The following RNF128 variants were observed in gnomAD, a reference collection of about 807,000 sequenced individuals.
RNF128 encodes the protein ring finger protein 128.
RNF128 carries 13 observed loss-of-function variants against 26.2 expected under a neutral mutation model. That is an observed-to-expected ratio of 0.50 (90% CI 0.32 to 0.79). The LOEUF is 0.79. RNF128 is among the 30% of genes least tolerant of loss of function. The pLI is 0.03. For synonymous variants in RNF128, 149 were observed against 142.5 expected (o/e 1.05, Z -0.32); for missense variants, 315 against 349.7 (o/e 0.90, Z 0.79).
In RNF128 at chrX:106,788,446, ATT is replaced by A. The variant is rs1200632168; in HGVS notation, c.887+447_887+448del. Among the ~76,000 whole-genome samples, 74 of 46,612 alleles carry A rather than the reference ATT, an allele frequency of 1.6e-3. 4 individuals carry two copies. The East Asian group carries it at 0.038, about 24-fold the overall frequency. 40.5% of individuals were successfully genotyped at this position (46,612 alleles called of 115,157 possible). On this transcript the variant is annotated intron_variant, in intron 4 of 6. Transcript: ENST00000255499. ...ATATATTATATATAATATTATTATA[ATT>A]ATAATATATATAATATTATTATAAT...
intron 1 of RNF128, among the ~76,000 whole-genome samples, chrX:106,721,231 C>T (rs1929305135): frequency 1.8e-5 from 2 of 111,902 alleles, no homozygotes; most frequent in South Asian, 7.5e-4. Flanking sequence ...TATTGTCATC[C>T]CTTGTCTACA....
At chrX:106,706,713 C>T (rs1487293791) in intron 1 of RNF128, among the ~76,000 whole-genome samples, 2 of 112,104 alleles carry the variant, frequency 1.8e-5, no homozygotes, top group East Asian at 2.8e-4. Context: ...CTACTTTAAA[C>T]GGCGAAAGAT....
intron 1 of RNF128, among the ~76,000 whole-genome samples, chrX:106,716,410 G>A (rs1929216990): frequency 1.8e-5 from 2 of 111,775 alleles, no homozygotes; most frequent in Admixed American, 9.6e-5. Context: ...GAAAACAACT[G>A]AGTAGTTACC....
chrX:106,755,471 T>C (rs1929987515), intron 1 of RNF128, among the ~76,000 whole-genome samples: 1 of 110,313 alleles, frequency 9.1e-6, no homozygotes, highest in Admixed American at 9.7e-5. Flanking sequence ...AAAAGGAAAC[T>C]ACTACAGGCA....
chrX:106,774,733 C>T (rs779623191), intron 2 of RNF128, among the ~76,000 whole-genome samples: 3 of 111,790 alleles, frequency 2.7e-5, no homozygotes, highest in South Asian at 3.7e-4. Flanking sequence ...AGTATAACAG[C>T]GGAATGGTGT....
chrX:106,709,643 T>G (rs1163573371), intron 1 of RNF128, among the ~76,000 whole-genome samples: 1 of 110,793 alleles, frequency 9.0e-6, no homozygotes, highest in Non-Finnish European at 1.9e-5. Flanking sequence ...GCCTCCCGGG[T>G]TCAAGAAATT....
At chrX:106,727,479 C>T (rs1929425091) in intron 1 of RNF128, 82 bp downstream of exon 1, 1 of 1,114,767 alleles carries the variant, frequency 9.0e-7, no homozygotes, top group East Asian at 3.0e-5. Flanking sequence ...CCTCCTCGTC[C>T]TATCCCCTTG....
At chrX:106,793,472 A>G (rs897805016) in intron 6 of RNF128, among the ~76,000 whole-genome samples, 1 of 111,761 alleles carries the variant, frequency 8.9e-6, no homozygotes, top group African/African-American at 3.2e-5. Flanking sequence ...ATGTTAACAT[A>G]TAACCATATA....
chrX:106,723,571 T>A (rs375606491), upstream of RNF128, among the ~76,000 whole-genome samples: 41 of 109,033 alleles, frequency 3.8e-4, no homozygotes, highest in Middle Eastern at 4.8e-3. Flanking sequence ...CTGTCTAAAA[T>A]ATATATATAT....
At chrX:106,717,202 CAA>C (rs1185297804) in intron 1 of RNF128, among the ~76,000 whole-genome samples, 4 of 64,479 alleles carry the variant, frequency 6.2e-5, no homozygotes, top group Non-Finnish European at 6.0e-5. Context: ...GACTCCGTCT[CAA>C]AAAAAAAAAA....
At position 106,727,184 on chromosome X, in the gene RNF128, G is replaced by A; in HGVS notation, c.271G>A (p.Gly91Arg). The A allele has an allele frequency of 1.7e-6, 2 of 1,211,138 alleles. No individual in the cohort carries two copies. The highest frequency in any genetic ancestry group is 1.8e-5 in the South Asian group (1 of 56,897). ...GGTCCTGGTACCGCCCGACGGGCCC[G>A]GGGCGCTTAACGCCTGTAACCCGCA... ...AGVLVPPDGP[G>R]ALNACNPHTN... Residue 91 changes from glycine to arginine, a missense_variant, in exon 1 of 7, where the codon GGG (glycine) becomes AGG (arginine). Physicochemically the swap from Gly to Arg is moderately radical, Grantham distance 125. Transcript: ENST00000255499.
At chrX:106,774,661 T>G (rs772365620) in intron 2 of RNF128, among the ~76,000 whole-genome samples, 1 of 112,416 alleles carries the variant, frequency 8.9e-6, no homozygotes, top group African/African-American at 3.2e-5. Context: ...ATTACCTTCA[T>G]TGCTTCTGCC....
intron 1 of RNF128, among the ~76,000 whole-genome samples, chrX:106,732,534 G>A (rs1402492386): frequency 9.0e-6 from 1 of 111,222 alleles, no homozygotes; most frequent in African/African-American, 3.3e-5. Context: ...TCAATTCATC[G>A]AGCATTTATC....
intron 1 of RNF128, among the ~76,000 whole-genome samples, chrX:106,770,576 C>T: frequency 9.0e-6 from 1 of 111,682 alleles, no homozygotes; most frequent in Non-Finnish European, 1.9e-5. Context: ...ACGTAGTCCT[C>T]ATGCCATGGT....
At chrX:106,779,763 C>T (rs1930534825) in intron 2 of RNF128, among the ~76,000 whole-genome samples, 1 of 110,857 alleles carries the variant, frequency 9.0e-6, no homozygotes, top group Non-Finnish European at 1.9e-5. Context: ...TCTGTAGTTC[C>T]ATAGATTTAT....
At chrX:106,720,664 G>A (rs1450868253) in intron 1 of RNF128, among the ~76,000 whole-genome samples, 1 of 111,325 alleles carries the variant, frequency 9.0e-6, no homozygotes, top group African/African-American at 3.3e-5. Flanking sequence ...TAGTATAGCA[G>A]AATGAAAACA....
chrX:106,717,985 G>A (rs1432996707), intron 1 of RNF128, among the ~76,000 whole-genome samples: 1 of 111,854 alleles, frequency 8.9e-6, no homozygotes, highest in Non-Finnish European at 1.9e-5. Context: ...TATTGCCTCT[G>A]TCTTAGAACT....
chrX:106,714,650 C>T (rs1929183721), intron 1 of RNF128, among the ~76,000 whole-genome samples: 1 of 111,788 alleles, frequency 8.9e-6, no homozygotes, highest in African/African-American at 3.3e-5. Context: ...AGATTCAGAA[C>T]GATTCCATTG....
intron 1 of RNF128, among the ~76,000 whole-genome samples, chrX:106,751,210 A>C (rs774385364): frequency 2.0e-4 from 22 of 111,378 alleles, no homozygotes; most frequent in Middle Eastern, 9.3e-3. Context: ...TTAATTTCTT[A>C]CACCACCCCT....
Sources: gnomAD v4.1 joint callset for allele counts (sites outside exome capture counted in the v4.1 genomes callset) on GRCh38, gnomAD v4.1.1 for gene constraint, MANE v1.5 for transcripts, NCBI Gene and HGNC (gene_info 2026-07-23, HGNC 2026-07-21) for gene names.